SPHKAP: variants seen among roughly 807,000 people sequenced by gnomAD.
SPHKAP encodes SPHK1 interactor, AKAP domain containing.
SPHKAP carries 67 observed loss-of-function variants against 137.5 expected under a neutral mutation model. That is an observed-to-expected ratio of 0.49 (90% confidence interval 0.40 to 0.60). The LOEUF (loss-of-function observed/expected upper bound fraction) is 0.60, where lower values mean the gene tolerates loss of function less well. Among genes scored for constraint, SPHKAP ranks in the 20% least tolerant of loss-of-function variants. SPHKAP has a pLI of 0.00. For synonymous variants in SPHKAP, 813 were observed against 785.3 expected (o/e 1.04, Z -0.59); for missense variants, 2,097 against 2,069.3 (o/e 1.01, Z -0.26).
At chr2:228,043,286 T>G (rs1011810598) in intron 3 of SPHKAP, among the ~76,000 whole-genome samples, 2 of 152,174 alleles carry the variant, frequency 1.3e-5, no homozygotes, top group Admixed American at 6.5e-5. Context: ...TAGGCTAGCT[T>G]TAATTTAAAC....
intron 3 of SPHKAP, among the ~76,000 whole-genome samples, chr2:228,052,786 T>G (rs993458526): frequency 6.6e-6 from 1 of 152,150 alleles, no homozygotes; most frequent in East Asian, 1.9e-4. Context: ...ATTCCTTTTA[T>G]GTTAGAGAGT....
At chr2:228,138,683 TA>T (rs1431756806) in intron 1 of SPHKAP, among the ~76,000 whole-genome samples, 1 of 152,198 alleles carries the variant, frequency 6.6e-6, no homozygotes, top group Non-Finnish European at 1.5e-5. Context: ...TCCATAGCTG[TA>T]AAATAAATTC....
intron 11 of SPHKAP, chr2:227,982,160 T>C: frequency 1.0e-6 from 1 of 985,040 alleles, no homozygotes; most frequent in South Asian, 4.7e-5. Flanking sequence ...AGATATTTAG[T>C]GTTTTCTTGG....
At chr2:227,989,816 C>T (rs1693350934) in intron 11 of SPHKAP, among the ~76,000 whole-genome samples, 1 of 150,190 alleles carries the variant, frequency 6.7e-6, no homozygotes, top group Non-Finnish European at 1.5e-5. Flanking sequence ...GGGGTTTCAC[C>T]ATGTTGGTCA....
chr2:228,174,572 TA>T (rs1193853734), intron 1 of SPHKAP, among the ~76,000 whole-genome samples: 3 of 152,330 alleles, frequency 2.0e-5, no homozygotes, highest in South Asian at 2.1e-4. Flanking sequence ...TCCTCGTCTT[TA>T]ACATGGGAAT....
At chr2:228,004,501 A>C (rs1488474157) in intron 7 of SPHKAP, among the ~76,000 whole-genome samples, 1 of 152,126 alleles carries the variant, frequency 6.6e-6, no homozygotes, top group East Asian at 1.9e-4. Context: ...TCTTTTCAAA[A>C]AATCAGCTCC....
chr2:228,105,344 A>G (rs773184457), intron 3 of SPHKAP, among the ~76,000 whole-genome samples: 2 of 152,198 alleles, frequency 1.3e-5, no homozygotes, highest in Non-Finnish European at 2.9e-5. Context: ...AAGGACCTCT[A>G]TCAAGATAAT....
rs564355390 is a variant in SPHKAP at position 228,061,531 on chromosome 2, C to G, written c.247-33988G>C. 5.9e-5 allele frequency among the ~76,000 whole-genome samples: 9 copies of G among 152,176 alleles called. No individual in the cohort carries two copies. In the East Asian group the frequency reaches 1.7e-3, roughly 30 times the overall value. On this transcript the variant is annotated intron_variant, in intron 3 of 11. Coordinates refer to ENST00000392056, the MANE Select transcript of SPHKAP (RefSeq NM_001142644.2). Reference sequence around the variant, plus strand: ...AAATAATCTGCCTGTCTTGGCCTCCCAAAGTGCTAGGATTACAGGCATGAG... The same window carrying G: ...AAATAATCTGCCTGTCTTGGCCTCCGAAAGTGCTAGGATTACAGGCATGAG...
At position 228,018,522 on chromosome 2, in the gene SPHKAP, G is replaced by A; in HGVS notation, c.2332C>T (p.His778Tyr). The A allele has an allele frequency of 6.2e-7, 1 of 1,614,144 alleles. No individual in the cohort carries two copies. Among genetic ancestry groups the A allele is most frequent in the East Asian group, 2.2e-5 (1 of 44,882 alleles). ...SSSSSPLSNSHNTSLVINNLV... is the reference protein window; with the variant it reads ...SSSSSPLSNSYNTSLVINNLV... ...TTGTTGATGACAAGACTCGTGTTGT[G>A]TGAATTGCTAAGTGGAGAGCTGCTG... Residue 778 changes from histidine to tyrosine, a missense_variant, in exon 7 of 12, where the codon CAC becomes TAC. His to Tyr is a moderately conservative substitution (Grantham distance 83, BLOSUM62 2). Transcript: ENST00000392056.
intron 3 of SPHKAP, among the ~76,000 whole-genome samples, chr2:228,105,824 C>T (rs1012800325): frequency 6.6e-6 from 1 of 152,128 alleles, no homozygotes; most frequent in African/African-American, 2.4e-5. Flanking sequence ...TGAGGCCTCC[C>T]CAGCCACGTG....
At chr2:228,005,090 T>C (rs1040116347) in intron 7 of SPHKAP, among the ~76,000 whole-genome samples, 1 of 152,216 alleles carries the variant, frequency 6.6e-6, no homozygotes, top group African/African-American at 2.4e-5. Context: ...CAGAGCTGTA[T>C]TCAATTCCTG....
chr2:228,133,255 T>C (rs1409085919), intron 1 of SPHKAP, among the ~76,000 whole-genome samples: 1 of 151,942 alleles, frequency 6.6e-6, no homozygotes, highest in Admixed American at 6.6e-5. Context: ...TGCAGTGAGC[T>C]GAGATGGTGC....
At chr2:228,080,220 C>A (rs1482023099) in intron 3 of SPHKAP, among the ~76,000 whole-genome samples, 1 of 152,130 alleles carries the variant, frequency 6.6e-6, no homozygotes, top group East Asian at 1.9e-4. Flanking sequence ...ATTTGCAGAT[C>A]ATGCGTCTAA....
intron 3 of SPHKAP, among the ~76,000 whole-genome samples, chr2:228,030,533 C>CAAAAAAAAAAAAAAAAAAAAAAAAAA (rs1559356982): frequency 2.2e-5 from 1 of 45,628 alleles, no homozygotes; most frequent in African/African-American, 1.0e-4. Context: ...AAAAAAAAAA[C>CAAAAAAAAAAAAAAAAAAAAAAAAAA]AACAAAAAAC....
chr2:228,161,525 A>C (rs1700273699), intron 1 of SPHKAP, among the ~76,000 whole-genome samples: 2 of 152,136 alleles, frequency 1.3e-5, no homozygotes, highest in Admixed American at 1.3e-4. Flanking sequence ...GGACACAGGG[A>C]GGGGAACAAT....
At chr2:228,121,517 T>TAATAA (rs1344997224) in intron 2 of SPHKAP, among the ~76,000 whole-genome samples, 2 of 152,112 alleles carry the variant, frequency 1.3e-5, no homozygotes, top group African/African-American at 2.4e-5. Context: ...CAAAATAAAA[T>TAATAA]AATAAAATAA....
At chr2:228,154,512 C>CTCTCTCTCTCTATA (rs1393941364) in intron 1 of SPHKAP, among the ~76,000 whole-genome samples, 8 of 22,068 alleles carry the variant, frequency 3.6e-4, no homozygotes, top group East Asian at 2.8e-3. Flanking sequence ...CTCTCTCTCT[C>CTCTCTCTCTCTATA]TATATATATA....
At chr2:228,125,969 A>G (rs1699064488) in intron 2 of SPHKAP, among the ~76,000 whole-genome samples, 1 of 152,142 alleles carries the variant, frequency 6.6e-6, no homozygotes, top group South Asian at 2.1e-4. Flanking sequence ...AATCCCAGCT[A>G]CTTGGGAGGC....
At chr2:228,139,948 T>TCTTTCTTTCTTTCTTTCTTTCTTTC (rs374831194) in intron 1 of SPHKAP, among the ~76,000 whole-genome samples, 1 of 145,290 alleles carries the variant, frequency 6.9e-6, no homozygotes, top group East Asian at 2.1e-4. Flanking sequence ...TTCTTTTCTT[T>TCTTTCTTTCTTTCTTTCTTTCTTTC]TTTCTTTTTC....
Sources: gnomAD v4.1 joint callset for allele counts (sites outside exome capture counted in the v4.1 genomes callset) on GRCh38, gnomAD v4.1.1 for gene constraint, MANE v1.5 for transcripts, NCBI Gene and HGNC (gene_info 2026-07-23, HGNC 2026-07-21) for gene names.